LRRC28: variants seen among roughly 807,000 people sequenced by gnomAD.
LRRC28 encodes the protein leucine rich repeat containing 28.
In LRRC28, 39 loss-of-function variants were observed where a neutral mutation model predicts 45.7. That is an observed-to-expected ratio of 0.85 (90% CI 0.66 to 1.12). The LOEUF (loss-of-function observed/expected upper bound fraction) is 1.12. Among genes scored for constraint, LRRC28 ranks in the 50% most tolerant of loss-of-function variants. LRRC28 has a pLI of 0.00. For synonymous variants in LRRC28, 206 were observed against 178.8 expected (o/e 1.15, Z -1.22); for missense variants, 435 against 438.5 (o/e 0.99, Z 0.07).
intron 2 of LRRC28, among the ~76,000 whole-genome samples, chr15:99,263,754 G>A (rs1188930595): frequency 1.3e-5 from 2 of 152,156 alleles, no homozygotes; most frequent in Non-Finnish European, 2.9e-5. Flanking sequence ...ACTTTGACAG[G>A]CACTTAGGAG....
rs888971412 is a variant in LRRC28, at chr15:99,284,772, G to T, written c.210-2485G>T. 7.5e-6 allele frequency: 4 copies of T among 531,020 alleles called. No homozygotes were observed. The African/African-American group carries it at 7.7e-5, about 10-fold the overall frequency. The allele number at this position is 531,020 out of a possible 1,614,324, so 32.9% of individuals were successfully genotyped here. On this transcript the variant is annotated intron_variant, in intron 3 of 9. Transcript: ENST00000301981. ...TCCCTTCATGGGTTCAAAATTTGAA[G>T]ACTGACTATTGCAATTGTCAAAATC...
chr15:99,275,381 G>A (rs12906924), intron 2 of LRRC28, among the ~76,000 whole-genome samples: 14,564 of 152,190 alleles, frequency 0.096, 986 homozygotes, highest in East Asian at 0.32. Flanking sequence ...CTACTCTGAT[G>A]TCTGGACCTG....
chr15:99,251,716 T>A (rs1395370935), intron 1 of LRRC28, 175 bp downstream of exon 1: 1 of 152,248 alleles, frequency 6.6e-6, no homozygotes. Flanking sequence ...CCTCCCACTC[T>A]GCGGCCCGCG....
chr15:99,318,092 A>G (rs1327249568), intron 5 of LRRC28, among the ~76,000 whole-genome samples: 1 of 152,208 alleles, frequency 6.6e-6, no homozygotes, highest in East Asian at 1.9e-4. Flanking sequence ...GAAGCATCAT[A>G]CAATTTTCTA....
intron 2 of LRRC28, among the ~76,000 whole-genome samples, chr15:99,273,111 A>G (rs1258929245): frequency 1.3e-5 from 2 of 152,258 alleles, no homozygotes; most frequent in Non-Finnish European, 2.9e-5. Context: ...TGCTAAAAAT[A>G]TGGCATTAGA....
chr15:99,321,258 T>A (rs1332516435), intron 5 of LRRC28, among the ~76,000 whole-genome samples: 1 of 152,194 alleles, frequency 6.6e-6, no homozygotes, highest in Non-Finnish European at 1.5e-5. Flanking sequence ...TGGTTTATGA[T>A]CTTGAAGGGC....
rs560654194 is a variant in LRRC28 at position 99,340,685 on chromosome 15, G to C, written c.592+6556G>C. ...AATTTCAGTAAAGAACTTCATTCTAGTATGGACAAAAAGTCCGAGAAGTTG... is the reference window on the plus strand; with the variant it reads ...AATTTCAGTAAAGAACTTCATTCTACTATGGACAAAAAGTCCGAGAAGTTG... On this transcript the variant is annotated intron_variant, in intron 6 of 9. Transcript: ENST00000301981. 9.3e-4 allele frequency among the ~76,000 whole-genome samples: 142 copies of C among 152,332 alleles called. 2 individuals are homozygous for C. Among genetic ancestry groups the C allele is most frequent in the Admixed American group, 2.7e-3 (41 of 15,302 alleles).
intron 6 of LRRC28, among the ~76,000 whole-genome samples, chr15:99,334,893 ATAATT>A (rs1956274354): frequency 2.0e-5 from 3 of 152,348 alleles, no homozygotes; most frequent in African/African-American, 7.2e-5. Context: ...AGTAAAGTGA[ATAATT>A]TACTAGTCCC....
At chr15:99,275,825 A>G (rs1308762589) in intron 2 of LRRC28, among the ~76,000 whole-genome samples, 1 of 152,080 alleles carries the variant, frequency 6.6e-6, no homozygotes, top group African/African-American at 2.4e-5. Flanking sequence ...ACCATGGATT[A>G]TGAGGTTTGT....
rs748104898 is a variant in LRRC28 at position 99,255,973 on chromosome 15, T to C, written c.16T>C (p.Cys6Arg). The change falls in exon 2 of 10, where the codon TGT becomes CGT. Residue 6 changes from cysteine to arginine, a missense_variant. Physicochemically the swap from Cys to Arg is radical, Grantham distance 180 (BLOSUM62 -3). Coordinates refer to ENST00000301981, the MANE Select transcript of LRRC28 (RefSeq NM_144598.5). Reference sequence around the variant, plus strand: ...ATATTCAGTCATGGCGTCCGAACTTTGTAAGACGATCTCTGTGGCAAGGCT... The same window carrying C: ...ATATTCAGTCATGGCGTCCGAACTTCGTAAGACGATCTCTGTGGCAAGGCT... MASEL[C>R]KTISVARLEK... 38 of 1,612,366 alleles carry C rather than the reference T, an allele frequency of 2.4e-5. No homozygotes were observed. Among genetic ancestry groups the C allele is most frequent in the Non-Finnish European group, 3.1e-5 (37 of 1,179,942 alleles).
At chr15:99,329,889 A>T (rs1956104432) in intron 5 of LRRC28, among the ~76,000 whole-genome samples, 1 of 152,120 alleles carries the variant, frequency 6.6e-6, no homozygotes, top group African/African-American at 2.4e-5. Flanking sequence ...ATATTTCCTT[A>T]TGAATATGGT....
intron 9 of LRRC28, among the ~76,000 whole-genome samples, chr15:99,363,720 AC>A (rs1185032900): frequency 9.2e-5 from 14 of 152,126 alleles, no homozygotes; most frequent in Non-Finnish European, 2.1e-4. Context: ...TGAATTTTTA[AC>A]CCTTCCAAAT....
chr15:99,287,270 A>G lies in LRRC28; in HGVS notation c.223A>G (p.Asn75Asp), dbSNP rs1299950750. 2 of 1,572,900 alleles carry G rather than the reference A, an allele frequency of 1.3e-6. No individual in the cohort carries two copies. Among genetic ancestry groups the G allele is most frequent in the Non-Finnish European group, 1.7e-6 (2 of 1,162,624 alleles). ...PNLVELYLHS[N>D]NIVVVPEAIG... ...TTTCCTTCCTAGATACCTGCACTCA[A>G]ATAACATAGTTGTGGTTCCGGAAGG... Residue 75 changes from asparagine to aspartate, a missense_variant, in exon 4 of 10, where the codon AAT becomes GAT. Asn to Asp is a conservative substitution (Grantham distance 23). Coordinates refer to ENST00000301981, the MANE Select transcript of LRRC28 (RefSeq NM_144598.5).
intron 5 of LRRC28, among the ~76,000 whole-genome samples, chr15:99,300,291 A>G (rs1439939748): frequency 3.3e-5 from 5 of 152,034 alleles, no homozygotes; most frequent in Non-Finnish European, 5.9e-5. Flanking sequence ...GCTGAAAGAT[A>G]TATATGGATG....
chr15:99,287,758 G>A (rs2081996337), intron 4 of LRRC28, 56 bp from the exon 5 acceptor site: 2 of 1,520,456 alleles, frequency 1.3e-6, no homozygotes, highest in Non-Finnish European at 1.8e-6. Context: ...TTGCTTTAAA[G>A]ATTTGATGTA....
chr15:99,386,961 A>G lies in LRRC28; in HGVS notation c.*859A>G, dbSNP rs1958013858. 1 of 152,212 alleles carries G rather than the reference A, an allele frequency of 6.6e-6. No individual in the cohort carries two copies. The highest frequency in any genetic ancestry group is 6.5e-5 in the Admixed American group (1 of 15,286). The allele number at this position is 152,212 out of a possible 1,614,324, so 9.4% of individuals were successfully genotyped here. On this transcript the variant is annotated 3_prime_UTR_variant, in exon 10 of 10. Transcript: ENST00000301981. ...GGGGGAGAAAACACACATTGAAATA[A>G]GACCTCCGTGTTCTTTTTTGATGGG...
At chr15:99,344,159 C>T (rs750139698) in intron 6 of LRRC28, among the ~76,000 whole-genome samples, 1 of 152,138 alleles carries the variant, frequency 6.6e-6, no homozygotes, top group South Asian at 2.1e-4. Flanking sequence ...TAAGATGTAT[C>T]GAGTACCAAT....
intron 2 of LRRC28, chr15:99,259,039 T>G: frequency 1.2e-6 from 1 of 843,554 alleles, no homozygotes; most frequent in East Asian, 2.4e-5. Context: ...TCAAGAAGAT[T>G]GCTGATGAGA....
intron 5 of LRRC28, among the ~76,000 whole-genome samples, chr15:99,309,353 G>A (rs187214723): frequency 6.6e-6 from 1 of 151,932 alleles, no homozygotes; most frequent in Non-Finnish European, 1.5e-5. Context: ...CCCCAGTTTA[G>A]TTGATTGTTA....
Sources: allele counts gnomAD v4.1 joint callset (sites outside exome capture counted in the v4.1 genomes callset), GRCh38; gene constraint gnomAD v4.1.1; transcripts MANE v1.5; gene names NCBI Gene and HGNC (gene_info 2026-07-23, HGNC 2026-07-21).